Variants in TMPRSS15 observed in about 807,000 individuals in gnomAD.
TMPRSS15 encodes enteropeptidase.
TMPRSS15 carries 128 observed loss-of-function variants against 125.3 expected under a neutral mutation model. The ratio of observed to expected loss-of-function variants is 1.02; its 90% confidence interval spans 0.89 to 1.18. TMPRSS15 has a LOEUF of 1.18. Ranked by LOEUF, TMPRSS15 falls within the 50% of genes most tolerant of loss-of-function variation. TMPRSS15 has a pLI of 0.00. For synonymous variants in TMPRSS15, 446 were observed against 423.2 expected (o/e 1.05, Z -0.66); for missense variants, 1,283 against 1,212.7 (o/e 1.06, Z -0.86).
intron 1 of TMPRSS15, among the ~76,000 whole-genome samples, chr21:18,478,684 T>C (rs554067248): frequency 4.1e-4 from 63 of 151,978 alleles, no homozygotes; most frequent in Middle Eastern, 3.2e-3. Context: ...TGTTTCCTTG[T>C]CATCAGACTT....
chr21:18,363,886 G>A (rs977310921), intron 7 of TMPRSS15, among the ~76,000 whole-genome samples: 2 of 152,066 alleles, frequency 1.3e-5, no homozygotes, highest in Non-Finnish European at 2.9e-5. Flanking sequence ...CCAATAGCAT[G>A]TTATCTAGAG....
chr21:18,292,451 T>C (rs2074849886), intron 21 of TMPRSS15, among the ~76,000 whole-genome samples: 1 of 152,218 alleles, frequency 6.6e-6, no homozygotes, highest in Non-Finnish European at 1.5e-5. Flanking sequence ...TGGACATGTG[T>C]TTATACTAGG....
intron 16 of TMPRSS15, among the ~76,000 whole-genome samples, chr21:18,317,874 C>T (rs1476239740): frequency 1.4e-5 from 2 of 140,370 alleles, no homozygotes; most frequent in Admixed American, 7.2e-5. Context: ...CATCCCATCC[C>T]ATCCCATCCC....
At chr21:18,319,496 T>A (rs2075212139) in intron 16 of TMPRSS15, among the ~76,000 whole-genome samples, 1 of 146,486 alleles carries the variant, frequency 6.8e-6, no homozygotes. Context: ...TGGCGCCATC[T>A]CGGCTCACTG....
chr21:18,285,534 A>G (rs1277931916), intron 21 of TMPRSS15, among the ~76,000 whole-genome samples: 2 of 152,204 alleles, frequency 1.3e-5, no homozygotes, highest in East Asian at 3.8e-4. Flanking sequence ...TTTGGTCTCT[A>G]TTTTTATTCT....
intron 21 of TMPRSS15, among the ~76,000 whole-genome samples, chr21:18,293,364 G>C (rs2074861550): frequency 6.6e-6 from 1 of 152,066 alleles, no homozygotes; most frequent in Non-Finnish European, 1.5e-5. Context: ...TCTTTCCTCT[G>C]AGGTTCTGGA....
chr21:18,368,371 T>C (rs186835585), intron 6 of TMPRSS15, among the ~76,000 whole-genome samples: 314 of 152,358 alleles, frequency 2.1e-3, no homozygotes, highest in Non-Finnish European at 2.9e-3. Context: ...CCCAAATCCC[T>C]TGGAGTCAGA....
At chr21:18,332,538 C>T (rs766925163) in intron 13 of TMPRSS15, among the ~76,000 whole-genome samples, 5 of 151,844 alleles carry the variant, frequency 3.3e-5, no homozygotes, top group Non-Finnish European at 7.4e-5. Flanking sequence ...GCATAATTTG[C>T]AAAAGGTACC....
chr21:18,416,687 G>T (rs2076181101), intron 1 of TMPRSS15, among the ~76,000 whole-genome samples: 1 of 151,952 alleles, frequency 6.6e-6, no homozygotes, highest in Non-Finnish European at 1.5e-5. Context: ...ATATTGTAAA[G>T]AACTTTAAAT....
intron 13 of TMPRSS15, among the ~76,000 whole-genome samples, chr21:18,332,795 T>G (rs2075357907): frequency 6.6e-6 from 1 of 152,152 alleles, no homozygotes; most frequent in Non-Finnish European, 1.5e-5. Context: ...CATGCACACG[T>G]TTTTTCATTG....
intron 24 of TMPRSS15, among the ~76,000 whole-genome samples, chr21:18,274,859 T>C (rs1433628827): frequency 1.3e-5 from 2 of 152,176 alleles, no homozygotes. Flanking sequence ...GGGTTTAAAA[T>C]AATTGGAAAT....
At chr21:18,326,825 AAT>A (rs1464891621) in intron 15 of TMPRSS15, among the ~76,000 whole-genome samples, 1 of 152,334 alleles carries the variant, frequency 6.6e-6, no homozygotes, top group East Asian at 1.9e-4. Flanking sequence ...AATTACTTAT[AAT>A]ATATCTGACT....
At chr21:18,296,465 G>T (rs936415009) in intron 19 of TMPRSS15, among the ~76,000 whole-genome samples, 1 of 152,158 alleles carries the variant, frequency 6.6e-6, no homozygotes, top group Non-Finnish European at 1.5e-5. Context: ...GTGATGAAAG[G>T]TTAAAATATG....
rs140229265 is a variant in TMPRSS15 at position 18,319,723 on chromosome 21, C to T, written c.1922-4467G>A. 5.0e-4 allele frequency among the ~76,000 whole-genome samples: 76 copies of T among 152,306 alleles called. 1 individual carries two copies. The East Asian group carries it at 0.012, about 25-fold the overall frequency. ...GGATTACAGGCGTGAGCCACCGCGC[C>T]CGGCCTTTCACTATTTTTCAAGTTA... On this transcript the variant is annotated intron_variant, in intron 16 of 24. Transcript: ENST00000284885.
intron 21 of TMPRSS15, 134 bp from the exon 22 acceptor site, chr21:18,281,355 T>A: frequency 2.5e-6 from 2 of 808,796 alleles, no homozygotes; most frequent in African/African-American, 1.7e-5. Context: ...AATCATCCTT[T>A]AAAAATATTC....
chr21:18,301,890 C>T (rs1000847104), intron 18 of TMPRSS15, among the ~76,000 whole-genome samples: 3 of 152,070 alleles, frequency 2.0e-5, no homozygotes, highest in Non-Finnish European at 4.4e-5. Context: ...ATAGATGCAA[C>T]CATTATTATT....
chr21:18,334,930 G>T (rs184574781), intron 13 of TMPRSS15, among the ~76,000 whole-genome samples: 1 of 152,194 alleles, frequency 6.6e-6, no homozygotes, highest in Non-Finnish European at 1.5e-5. Context: ...GTCAAGGATG[G>T]CTAAACCTAG....
intron 18 of TMPRSS15, 59 bp downstream of exon 18, chr21:18,312,886 T>TTGA: frequency 6.2e-7 from 1 of 1,600,878 alleles, no homozygotes. Context: ...TAAACCTAAT[T>TTGA]TGATAGTAAT....
chr21:18,269,847 A>C lies in TMPRSS15; in HGVS notation c.*122T>G. 8.1e-7 allele frequency: 1 copy of C among 1,237,574 alleles called. No homozygotes were observed. The highest frequency in any genetic ancestry group is 1.1e-6 in the Non-Finnish European group (1 of 876,670). 76.7% of individuals were successfully genotyped at this position (1,237,574 alleles called of 1,614,324 possible). On this transcript the variant is annotated 3_prime_UTR_variant, in exon 25 of 25. Coordinates refer to ENST00000284885, the MANE Select transcript of TMPRSS15 (RefSeq NM_002772.3). ...CCTGGCCCCCTAGCATTTCATTGAC[A>C]TAGGTAAGAATAAAAACCTTTGGTA...
Sources: gnomAD v4.1 joint callset for allele counts (sites outside exome capture counted in the v4.1 genomes callset) on GRCh38, gnomAD v4.1.1 for gene constraint, MANE v1.5 for transcripts, NCBI Gene and HGNC (gene_info 2026-07-23, HGNC 2026-07-21) for gene names.